FBLN7: variants seen among roughly 807,000 people sequenced by gnomAD.
FBLN7 encodes the protein fibulin-7.
In FBLN7, 31 loss-of-function variants were observed where a neutral mutation model predicts 44.0. That is an observed-to-expected ratio of 0.70 (90% confidence interval 0.53 to 0.95). FBLN7 has a LOEUF of 0.95. Ranked by LOEUF, FBLN7 falls within the 40% of genes least tolerant of loss-of-function variation. FBLN7 has a pLI of 0.00. For synonymous variants in FBLN7, 262 were observed against 253.4 expected (o/e 1.03, Z -0.32); for missense variants, 573 against 618.5 (o/e 0.93, Z 0.78).
intron 1 of FBLN7, among the ~76,000 whole-genome samples, chr2:112,140,596 C>T (rs941700492): frequency 5.3e-5 from 8 of 152,176 alleles, no homozygotes; most frequent in African/African-American, 1.2e-4. Context: ...TGAGCACCGC[C>T]GGGAGGAAGA....
Position 112,150,543 on chromosome 2 carries a change from C to T in FBLN7, c.76-9133C>T, listed in dbSNP as rs147467290. ...AATCTAACTAGTAAGATAATGTGCTCATTCCACAACTATGTCCTGAGAGGC... is the reference window on the plus strand; with the variant it reads ...AATCTAACTAGTAAGATAATGTGCTTATTCCACAACTATGTCCTGAGAGGC... On this transcript the variant is annotated intron_variant, in intron 1 of 7. Transcript: ENST00000331203. 2.7e-3 allele frequency among the ~76,000 whole-genome samples: 411 copies of T among 152,256 alleles called. 4 individuals carry two copies. The highest frequency in any genetic ancestry group is 9.6e-3 in the African/African-American group (400 of 41,542).
intron 3 of FBLN7, among the ~76,000 whole-genome samples, chr2:112,170,014 A>T (rs568446408): frequency 1.3e-5 from 2 of 152,186 alleles, no homozygotes; most frequent in African/African-American, 4.8e-5. Flanking sequence ...GCCGAGGTGG[A>T]TGGATGACTT....
At chr2:112,213,000 G>C in the FBLN7 span, 1 of 126,250 alleles carries the variant, frequency 7.9e-6, no homozygotes, top group African/African-American at 2.8e-5. Context: ...TAAGAGACAA[G>C]GCTCTGTTGC....
intron 2 of FBLN7, among the ~76,000 whole-genome samples, chr2:112,162,289 C>T (rs927947769): frequency 2.7e-5 from 4 of 150,682 alleles, no homozygotes; most frequent in South Asian, 2.1e-4. Context: ...GGATTACAGG[C>T]GGGTGCTCCT....
chr2:112,154,427 C>T (rs1202888173), intron 1 of FBLN7, among the ~76,000 whole-genome samples: 8 of 152,180 alleles, frequency 5.3e-5, no homozygotes, highest in African/African-American at 9.7e-5. Flanking sequence ...AGGGGACGGC[C>T]TCTGGAACAC....
the FBLN7 span, among the ~76,000 whole-genome samples, chr2:112,241,980 T>C: frequency 6.6e-6 from 1 of 152,346 alleles, no homozygotes; most frequent in South Asian, 2.1e-4. Flanking sequence ...ATTGTTACAC[T>C]GCTGGAAAAC....
chr2:112,145,474 C>A (rs1054133471), intron 1 of FBLN7, among the ~76,000 whole-genome samples: 2 of 151,908 alleles, frequency 1.3e-5, no homozygotes, highest in African/African-American at 2.4e-5. Context: ...AAATACAAAG[C>A]CTTTTTTGGA....
the FBLN7 span, chr2:112,230,957 T>C: frequency 4.0e-5 from 47 of 1,173,192 alleles, no homozygotes; most frequent in Non-Finnish European, 4.9e-5. Context: ...AAACCTAATA[T>C]AAAAAAAAAA....
At chr2:112,153,045 G>A (rs986988882) in intron 1 of FBLN7, 1 of 152,134 alleles carries the variant, frequency 6.6e-6, no homozygotes, top group Non-Finnish European at 1.5e-5. Context: ...CTCCCCAAGT[G>A]AAATTCTCTC....
chr2:112,238,255 T>G, the FBLN7 span: 1 of 1,520,374 alleles, frequency 6.6e-7, no homozygotes, highest in Non-Finnish European at 9.0e-7. Flanking sequence ...TGTCCGTATA[T>G]GGACAACTGT....
chr2:112,169,683 C>G (rs1289703478), intron 3 of FBLN7, among the ~76,000 whole-genome samples: 1 of 152,156 alleles, frequency 6.6e-6, no homozygotes, highest in Non-Finnish European at 1.5e-5. Flanking sequence ...TGTCGAATCC[C>G]ACAGACACGA....
Position 112,160,804 on chromosome 2 carries a change from GCACA to G in FBLN7, c.235+975_235+978del, listed in dbSNP as rs546715298. Among the ~76,000 whole-genome samples, 33 of 135,372 alleles carry G rather than the reference GCACA, an allele frequency of 2.4e-4. No homozygotes were observed. In the East Asian group the frequency reaches 3.0e-3, roughly 12 times the overall value. 88.8% of individuals were successfully genotyped at this position (135,372 alleles called of 152,430 possible). On this transcript the variant is annotated intron_variant, in intron 2 of 7. Transcript: ENST00000331203. The stretch of plus-strand genomic sequence containing the variant: ...CACGCACGCACACGCACACACGCAC[GCACA>G]CACACGCACACACAAGCACGCATAC...
chr2:112,210,843 T>C, the FBLN7 span, among the ~76,000 whole-genome samples: 1 of 152,266 alleles, frequency 6.6e-6, no homozygotes, highest in African/African-American at 2.4e-5. Context: ...TGACATTCAG[T>C]AGTAATGAAC....
At chr2:112,162,849 C>T (rs572985274) in intron 2 of FBLN7, among the ~76,000 whole-genome samples, 185 of 152,126 alleles carry the variant, frequency 1.2e-3, no homozygotes, top group African/African-American at 4.1e-3. Context: ...ATTTTTCATC[C>T]CCAAAGAGAC....
the FBLN7 span, among the ~76,000 whole-genome samples, chr2:112,242,177 T>A: frequency 6.6e-6 from 1 of 152,214 alleles, no homozygotes; most frequent in African/African-American, 2.4e-5. Flanking sequence ...CTGGAGTCAG[T>A]GAACTACAAC....
chr2:112,202,769 C>A, the FBLN7 span, among the ~76,000 whole-genome samples: 1 of 152,142 alleles, frequency 6.6e-6, no homozygotes, highest in Non-Finnish European at 1.5e-5. Context: ...GAAAGCCCTG[C>A]AACCTTAACA....
the FBLN7 span, chr2:112,231,053 C>T: frequency 9.3e-6 from 7 of 752,116 alleles, no homozygotes; most frequent in East Asian, 3.4e-4. Flanking sequence ...CAAATTCATC[C>T]TAATAATCAT....
intron 1 of FBLN7, among the ~76,000 whole-genome samples, chr2:112,157,853 G>A (rs2104558126): frequency 6.6e-6 from 1 of 151,568 alleles, no homozygotes; most frequent in South Asian, 2.1e-4. Flanking sequence ...CAAAGTGCTA[G>A]GATTACAGGC....
the FBLN7 span, chr2:112,215,937 A>G: frequency 6.6e-6 from 1 of 152,240 alleles, no homozygotes; most frequent in Non-Finnish European, 1.5e-5. Flanking sequence ...ATGTCTAACA[A>G]TAGGAAACTG....
Sources: allele counts gnomAD v4.1 joint callset (sites outside exome capture counted in the v4.1 genomes callset), GRCh38; gene constraint gnomAD v4.1.1; transcripts MANE v1.5; gene names NCBI Gene and HGNC (gene_info 2026-07-23, HGNC 2026-07-21).